The following GLT1D1 variants were observed in gnomAD, a reference collection of about 807,000 sequenced individuals.
GLT1D1 encodes the protein glycosyltransferase 1 domain containing 1, also known as glycosyltransferase 1 domain-containing protein 1.
GLT1D1 carries 21 observed loss-of-function variants against 28.7 expected under a neutral mutation model. That is an observed-to-expected ratio of 0.73 (90% CI 0.52 to 1.05). The LOEUF is 1.05. Ranked by LOEUF, GLT1D1 falls within the 50% of genes least tolerant of loss-of-function variation. GLT1D1 has a pLI of 0.00. For synonymous variants in GLT1D1, 147 were observed against 124.8 expected (o/e 1.18, Z -1.19); for missense variants, 343 against 330.6 (o/e 1.04, Z -0.29).
intron 4 of GLT1D1, among the ~76,000 whole-genome samples, chr12:128,921,210 C>T (rs796383116): frequency 4.0e-5 from 6 of 151,320 alleles, no homozygotes; most frequent in African/African-American, 1.5e-4. Context: ...TTTTTTTAAC[C>T]TAGAGTAAGA....
chr12:128,874,102 C>CTTTCTTTCTT (rs1566091147), intron 1 of GLT1D1, among the ~76,000 whole-genome samples: 8 of 40,142 alleles, frequency 2.0e-4, no homozygotes, highest in African/African-American at 9.9e-4. Context: ...CTTTCTTTCT[C>CTTTCTTTCTT]TCTCTCTCTC....
At chr12:128,901,422 TTCTC>T (rs1169066905) in intron 4 of GLT1D1, among the ~76,000 whole-genome samples, 6 of 146,598 alleles carry the variant, frequency 4.1e-5, no homozygotes, top group East Asian at 2.1e-4. Context: ...GCCTGACCTT[TTCTC>T]TCTCTCTCTC....
At chr12:128,891,143 A>T (rs2135834279) in intron 3 of GLT1D1, among the ~76,000 whole-genome samples, 1 of 151,934 alleles carries the variant, frequency 6.6e-6, no homozygotes, top group African/African-American at 2.4e-5. Context: ...AAAATAAAAA[A>T]TTAAATAAAA....
chr12:128,933,786 C>A (rs1330202561), intron 4 of GLT1D1, among the ~76,000 whole-genome samples: 1 of 152,136 alleles, frequency 6.6e-6, no homozygotes, highest in African/African-American at 2.4e-5. Flanking sequence ...TTTTCAGAGT[C>A]AAGTATTCAA....
intron 2 of GLT1D1, among the ~76,000 whole-genome samples, chr12:128,881,548 AAAAAAAAAAAAAAATATAT>A (rs1303388426): frequency 3.5e-4 from 27 of 77,706 alleles, no homozygotes; most frequent in African/African-American, 1.0e-3. Context: ...AAAAAAAAAA[AAAAAAAAAAAAAAATATAT>A]ATATATATAT....
intron 7 of GLT1D1, among the ~76,000 whole-genome samples, chr12:128,969,515 G>T (rs1251840539): frequency 6.6e-6 from 1 of 152,172 alleles, no homozygotes; most frequent in South Asian, 2.1e-4. Flanking sequence ...GGTGTGCACC[G>T]AGCTGAGTGT....
intron 3 of GLT1D1, among the ~76,000 whole-genome samples, chr12:128,893,567 G>T (rs1273465397): frequency 4.6e-5 from 7 of 151,912 alleles, no homozygotes; most frequent in Non-Finnish European, 4.4e-5. Flanking sequence ...AAGAAATGTG[G>T]TTTTTTAATT....
At chr12:128,982,725 T>C (rs11060053) in intron 7 of GLT1D1, among the ~76,000 whole-genome samples, 18,925 of 151,684 alleles carry the variant, frequency 0.12, 1,360 homozygotes, top group Non-Finnish European at 0.17. Flanking sequence ...TATGTGTGCG[T>C]GTGTGTGTGT....
chr12:128,928,744 C>T (rs1385716120), intron 4 of GLT1D1, among the ~76,000 whole-genome samples: 1 of 151,870 alleles, frequency 6.6e-6, no homozygotes, highest in Non-Finnish European at 1.5e-5. Flanking sequence ...CCTCAGTCTT[C>T]CTAGCAGCTG....
At chr12:128,882,274 A>AT (rs533208189) in intron 2 of GLT1D1, among the ~76,000 whole-genome samples, 3,950 of 133,518 alleles carry the variant, frequency 0.03, 168 homozygotes, top group Admixed American at 0.086. Flanking sequence ...GTATAACGCA[A>AT]TTTTTTTTTT....
chr12:128,891,496 G>A (rs1245175673), intron 3 of GLT1D1, among the ~76,000 whole-genome samples: 2 of 152,156 alleles, frequency 1.3e-5, no homozygotes, highest in African/African-American at 2.4e-5. Context: ...ACAAAACAAA[G>A]CAAAACTGGT....
At chr12:128,854,842 T>C (rs1956175790) in intron 1 of GLT1D1, among the ~76,000 whole-genome samples, 1 of 152,156 alleles carries the variant, frequency 6.6e-6, no homozygotes, top group Admixed American at 6.5e-5. Context: ...AACACTTTCA[T>C]GTCCCTTTCA....
chr12:128,951,862 A>T (rs1054164902), intron 6 of GLT1D1, among the ~76,000 whole-genome samples: 1 of 152,220 alleles, frequency 6.6e-6, no homozygotes, highest in Non-Finnish European at 1.5e-5. Flanking sequence ...CTCAGATTAC[A>T]CTGAAGTCTC....
At chr12:128,869,753 C>T (rs1437223458) in intron 1 of GLT1D1, among the ~76,000 whole-genome samples, 2 of 151,948 alleles carry the variant, frequency 1.3e-5, no homozygotes, top group African/African-American at 2.4e-5. Flanking sequence ...TGCAGATGGG[C>T]GTCCCCTCCT....
chr12:128,887,447 T>C (rs1219355313), intron 2 of GLT1D1, among the ~76,000 whole-genome samples: 1 of 151,800 alleles, frequency 6.6e-6, no homozygotes, highest in Non-Finnish European at 1.5e-5. Flanking sequence ...CAAGCATCTT[T>C]TGTTCACCAA....
intron 3 of GLT1D1, among the ~76,000 whole-genome samples, chr12:128,897,731 C>T (rs1040141337): frequency 1.3e-5 from 2 of 152,090 alleles, no homozygotes; most frequent in South Asian, 2.1e-4. Flanking sequence ...TGCAGTGGCA[C>T]GATCTCGGCT....
At chr12:128,964,473 C>T (rs548023) in intron 7 of GLT1D1, among the ~76,000 whole-genome samples, 7,833 of 152,280 alleles carry the variant, frequency 0.051, 682 homozygotes, top group African/African-American at 0.18. Context: ...GGGTGAGCAG[C>T]TCAGTGTATG....
At chr12:128,969,836 C>G (rs1281526455) in intron 7 of GLT1D1, among the ~76,000 whole-genome samples, 3 of 152,220 alleles carry the variant, frequency 2.0e-5, no homozygotes, top group African/African-American at 7.2e-5. Flanking sequence ...ATCTCCTGGG[C>G]CCTCGCGTGG....
chr12:128,896,386 A>G (rs1256341433), intron 3 of GLT1D1, among the ~76,000 whole-genome samples: 1 of 152,138 alleles, frequency 6.6e-6, no homozygotes, highest in Non-Finnish European at 1.5e-5. Context: ...TCCCAATGCA[A>G]TGTAGAAATT....
Sources: allele counts gnomAD v4.1 joint callset (sites outside exome capture counted in the v4.1 genomes callset), GRCh38; gene constraint gnomAD v4.1.1; transcripts MANE v1.5; gene names NCBI Gene and HGNC (gene_info 2026-07-23, HGNC 2026-07-21).